The following PCDH7 variants were observed in gnomAD, a reference collection of about 807,000 sequenced individuals.
The protein encoded by PCDH7 is protocadherin 7.
A neutral mutation model predicts 58.9 loss-of-function variants in PCDH7; 17 were observed. The ratio of observed to expected loss-of-function variants is 0.29; its 90% CI spans 0.20 to 0.43. The LOEUF is 0.43. PCDH7 is among the 20% of genes least tolerant of loss of function. The probability of loss-of-function intolerance (pLI) is 1.00; values close to 1 mark genes in which losing one functional copy is unlikely to be tolerated. For missense variants in PCDH7, 1,274 were observed against 1,441.0 expected, an observed-to-expected ratio of 0.88 and a Z score of 1.88; for synonymous variants, 664 against 616.4, an observed-to-expected ratio of 1.08 and a Z score of -1.14.
At chr4:30,853,254 AATTT>A (rs1464313678) in intron 1 of PCDH7, among the ~76,000 whole-genome samples, 2 of 152,098 alleles carry the variant, frequency 1.3e-5, no homozygotes, top group Admixed American at 6.6e-5. Context: ...ACCTAGTGTT[AATTT>A]ATTCTCTAAA....
intron 1 of PCDH7, among the ~76,000 whole-genome samples, chr4:30,852,166 G>A (rs1470057742): frequency 2.6e-5 from 4 of 152,006 alleles, no homozygotes; most frequent in African/African-American, 7.2e-5. Context: ...GAGTGTTTTT[G>A]TACCATTTTA....
At chr4:30,862,986 G>A (rs1179175266) in intron 1 of PCDH7, among the ~76,000 whole-genome samples, 1 of 152,068 alleles carries the variant, frequency 6.6e-6, no homozygotes, top group African/African-American at 2.4e-5. Flanking sequence ...GTATACAACA[G>A]ATAAGTACTA....
At chr4:30,998,857 G>A (rs903080929) in intron 3 of PCDH7, among the ~76,000 whole-genome samples, 1 of 152,196 alleles carries the variant, frequency 6.6e-6, no homozygotes, top group Admixed American at 6.5e-5. Flanking sequence ...GGCCAAAAGG[G>A]TCCTTTTGAA....
At chr4:30,858,642 T>C (rs1285506332) in intron 1 of PCDH7, among the ~76,000 whole-genome samples, 1 of 152,162 alleles carries the variant, frequency 6.6e-6, no homozygotes, top group Non-Finnish European at 1.5e-5. Flanking sequence ...TGCTAATACA[T>C]CTCTGTAGCA....
At chr4:31,061,843 G>C (rs75423593) in intron 3 of PCDH7, among the ~76,000 whole-genome samples, 3,073 of 151,774 alleles carry the variant, frequency 0.02, 57 homozygotes, top group Middle Eastern at 0.068. Flanking sequence ...AGAATTGATT[G>C]ACCAATTGAG....
At chr4:31,039,807 T>A (rs970643145) in intron 3 of PCDH7, among the ~76,000 whole-genome samples, 5 of 152,164 alleles carry the variant, frequency 3.3e-5, no homozygotes, top group Admixed American at 6.5e-5. Context: ...CCTCTTAAGA[T>A]CACGGAGTAA....
intron 3 of PCDH7, among the ~76,000 whole-genome samples, chr4:31,115,969 A>T (rs2109317266): frequency 6.6e-6 from 1 of 152,310 alleles, no homozygotes; most frequent in East Asian, 1.9e-4. Flanking sequence ...TTTGCAAAGA[A>T]TTTAGAAAAA....
intron 1 of PCDH7, among the ~76,000 whole-genome samples, chr4:30,856,342 A>G (rs1733456943): frequency 1.3e-5 from 2 of 152,222 alleles, no homozygotes; most frequent in South Asian, 2.1e-4. Context: ...CTGGAGTCGT[A>G]TTAATCCTTG....
In PCDH7 at chr4:31,007,112, G is replaced by A. The variant is rs1387200450; in HGVS notation, c.*7+56897G>A. ...GTATAACTTGGTGGCTACAAGCACA[G>A]AAAATGGAGTCTGATGGTTTGGACA... On this transcript the variant is annotated intron_variant, in intron 3 of 3. Transcript: ENST00000509759. Among the ~76,000 whole-genome samples the A allele has an allele frequency of 2.0e-5, 3 of 152,138 alleles. No individual in the cohort carries two copies. In the South Asian group the frequency reaches 6.2e-4, roughly 31 times the overall value.
Position 30,721,288 on chromosome 4 carries a change from C to A in PCDH7, c.-135C>A. 1 of 897,152 alleles carries A rather than the reference C, an allele frequency of 1.1e-6. No individual in the cohort carries two copies. Among genetic ancestry groups the A allele is most frequent in the Non-Finnish European group, 1.6e-6 (1 of 622,938 alleles). The allele number at this position is 897,152 out of a possible 1,614,324, so 55.6% of individuals were successfully genotyped here. A position where few individuals can be genotyped will look rare whatever the true frequency, so the allele number is the denominator to read the frequency against. On this transcript the variant is annotated 5_prime_UTR_variant, in exon 1 of 2. Transcript: ENST00000361762. The surrounding 1 kb of genome is among the most constrained non-coding windows in gnomAD (Gnocchi z 6.7). ...CTCTCCACGCCGCTTTTGCCCCCTCCCTCCCCTCCCTCTCGCTCCTTCCTT... is the reference window on the plus strand; with the variant it reads ...CTCTCCACGCCGCTTTTGCCCCCTCACTCCCCTCCCTCTCGCTCCTTCCTT...
At chr4:30,724,584 G>C (rs376843657) in exon 1 of PCDH7, 2 of 1,613,980 alleles carry the variant, frequency 1.2e-6, no homozygotes, top group Non-Finnish European at 1.7e-6. Flanking sequence ...CCAATAACAA[G>C]TACAGCAAAC....
chr4:31,039,977 CA>C (rs1755721313), intron 3 of PCDH7, among the ~76,000 whole-genome samples: 1 of 152,150 alleles, frequency 6.6e-6, no homozygotes, highest in Admixed American at 6.5e-5. Context: ...TAGATACAAA[CA>C]GGGGGCTTCA....
At chr4:31,064,631 C>T (rs574358865) in intron 3 of PCDH7, among the ~76,000 whole-genome samples, 36 of 152,008 alleles carry the variant, frequency 2.4e-4, no homozygotes, top group African/African-American at 7.5e-4. Flanking sequence ...GAAGCTATAT[C>T]GCTCCAATCT....
intron 3 of PCDH7, among the ~76,000 whole-genome samples, chr4:30,958,566 T>C: frequency 6.6e-6 from 1 of 151,846 alleles, no homozygotes; most frequent in Non-Finnish European, 1.5e-5. Context: ...AGAATAACAA[T>C]ATCATAAGAA....
At chr4:30,809,221 C>A (rs28420961) in intron 1 of PCDH7, among the ~76,000 whole-genome samples, 3,779 of 152,162 alleles carry the variant, frequency 0.025, 177 homozygotes, top group African/African-American at 0.085. Context: ...TGAAGGCAAA[C>A]AAAGAAAACT....
At chr4:30,729,426 A>G (rs1398722153) in intron 1 of PCDH7, among the ~76,000 whole-genome samples, 1 of 151,976 alleles carries the variant, frequency 6.6e-6, no homozygotes, top group Non-Finnish European at 1.5e-5. Flanking sequence ...AATTTACAGA[A>G]TTTTAAAGAA....
intron 1 of PCDH7, among the ~76,000 whole-genome samples, chr4:30,843,608 G>A (rs986348029): frequency 2.0e-5 from 3 of 152,138 alleles, no homozygotes; most frequent in African/African-American, 7.2e-5. Flanking sequence ...CAGTGTGTTT[G>A]CTATTAGACA....
Position 31,141,083 on chromosome 4 carries a change from C to A in PCDH7, c.*8-1390C>A, listed in dbSNP as rs192147410. Among the ~76,000 whole-genome samples the A allele has an allele frequency of 7.4e-4, 112 of 152,318 alleles. 1 individual carries two copies. Among genetic ancestry groups the A allele is most frequent in the African/African-American group, 2.7e-3 (111 of 41,570 alleles). ...AAAATGACAAACATTAGTGGCGAGCCTTCATTTAGGAGATTTAGCCAAGTA... is the reference window on the plus strand; with the variant it reads ...AAAATGACAAACATTAGTGGCGAGCATTCATTTAGGAGATTTAGCCAAGTA... On this transcript the variant is annotated intron_variant, in intron 3 of 3. Coordinates refer to the PCDH7 transcript ENST00000509759.
At chr4:30,777,348 A>C (rs1657531336) in intron 1 of PCDH7, among the ~76,000 whole-genome samples, 1 of 152,222 alleles carries the variant, frequency 6.6e-6, no homozygotes, top group Non-Finnish European at 1.5e-5. Flanking sequence ...TTTAAAAAGT[A>C]ATTCAGAGGA....
Sources: allele counts gnomAD v4.1 joint callset (sites outside exome capture counted in the v4.1 genomes callset), GRCh38; gene constraint gnomAD v4.1.1; non-coding constraint Gnocchi (gnomAD v3.1); transcripts MANE v1.5; gene names NCBI Gene and HGNC (gene_info 2026-07-23, HGNC 2026-07-21).